The following WNT8B variants were observed in gnomAD, a reference collection of about 807,000 sequenced individuals.
WNT8B encodes protein Wnt-8b.
Under a neutral mutation model 36.6 loss-of-function variants are expected in WNT8B, and 24 were observed. That is an observed-to-expected ratio of 0.66 (90% CI 0.48 to 0.92). The LOEUF (loss-of-function observed/expected upper bound fraction) is 0.92. WNT8B is among the 40% of genes least tolerant of loss of function. The pLI is 0.00. For missense variants in WNT8B, 402 were observed against 470.8 expected, an observed-to-expected ratio of 0.85 and a Z score of 1.35; for synonymous variants, 199 against 189.8, an observed-to-expected ratio of 1.05 and a Z score of -0.40.
At chr10:100,467,017 CA>C (rs1386862883) in intron 1 of WNT8B, among the ~76,000 whole-genome samples, 9 of 151,660 alleles carry the variant, frequency 5.9e-5, no homozygotes, top group African/African-American at 2.2e-4. Context: ...GCTAGGTTAA[CA>C]GCTGAGGGAA....
chr10:100,463,745 C>T (rs1850882723), intron 1 of WNT8B, among the ~76,000 whole-genome samples: 1 of 151,988 alleles, frequency 6.6e-6, no homozygotes, highest in Non-Finnish European at 1.5e-5. Flanking sequence ...ACTAAGCAGG[C>T]ATTGGGTTAA....
At position 100,479,896 on chromosome 10, in the gene WNT8B, G is replaced by A. The variant is rs752847845; in HGVS notation, c.125G>A (p.Ser42Asn). 29 of 1,613,940 alleles carry A rather than the reference G, an allele frequency of 1.8e-5. No individual in the cohort carries two copies. In the South Asian group the frequency reaches 3.2e-4, roughly 18 times the overall value. The change falls in exon 3 of 6, where the codon AGT becomes AAT. Residue 42 changes from serine to asparagine, a missense_variant. Physicochemically the swap from Ser to Asn is conservative, Grantham distance 46. This residue lies in a region of WNT8B where 131 missense variants were observed against 152.6 expected (regional missense o/e 0.86). Transcript: ENST00000343737. ...CAGGCTTACCTGATTTACTCCAGCA[G>A]TGTGGCAGCTGGTGCCCAGAGTGGT... is the stretch of plus-strand genomic sequence containing the variant. ...GPKAYLIYSS[S>N]VAAGAQSGIE...
chr10:100,483,106 C>T lies in WNT8B; in HGVS notation c.*290C>T, dbSNP rs1181949718. 4 of 375,470 alleles carry T rather than the reference C, an allele frequency of 1.1e-5. No individual in the cohort carries two copies. Among genetic ancestry groups the T allele is most frequent in the Non-Finnish European group, 1.9e-5 (4 of 211,100 alleles). The allele number at this position is 375,470 out of a possible 1,614,324, so 23.3% of individuals were successfully genotyped here. A position where few individuals can be genotyped will look rare whatever the true frequency, so the allele number is the denominator to read the frequency against. ...AGAACAGGTGTTCCTCCTCCCCTCTCCTAGCAGCCCTAATGTCTGACCTAG... is the reference window on the plus strand; with the variant it reads ...AGAACAGGTGTTCCTCCTCCCCTCTTCTAGCAGCCCTAATGTCTGACCTAG... On this transcript the variant is annotated 3_prime_UTR_variant, in exon 6 of 6. Transcript: ENST00000343737.
chr10:100,479,117 T>C, intron 2 of WNT8B, 32 bp downstream of exon 2: 1 of 1,574,894 alleles, frequency 6.3e-7, no homozygotes, highest in Non-Finnish European at 8.6e-7. Flanking sequence ...TGATATGGAT[T>C]TCACTAATCT....
chr10:100,469,281 A>AGC (rs1850947503), intron 1 of WNT8B, among the ~76,000 whole-genome samples: 1 of 152,142 alleles, frequency 6.6e-6, no homozygotes, highest in Non-Finnish European at 1.5e-5. Flanking sequence ...CTTTCATGTC[A>AGC]TAACTCCTCA....
chr10:100,482,375 C>T lies in WNT8B; in HGVS notation c.615C>T (p.Gly205=), dbSNP rs1179622761. Residue 205 remains glycine (G), a synonymous_variant, in exon 6 of 6, where the codon GGC becomes GGT. Transcript: ENST00000343737. The surrounding 1 kb of genome is among the most constrained non-coding windows in gnomAD (Gnocchi z 6.6). ...AGCTGCCCGAGTTCCGCGAGGTGGG[C>T]GCGCACCTGAAGGAGAAGTACCACG... ...WLQLPEFREV[G]AHLKEKYHAA... is the part of the protein sequence containing the mutation. The T allele has an allele frequency of 1.9e-6, 3 of 1,606,242 alleles. No homozygotes were observed. Among genetic ancestry groups the T allele is most frequent in the African/African-American group, 1.3e-5 (1 of 75,060 alleles).
At chr10:100,463,279 T>C in intron 1 of WNT8B, 43 bp downstream of exon 1, 1 of 1,564,842 alleles carries the variant, frequency 6.4e-7, no homozygotes, top group Non-Finnish European at 8.8e-7. Flanking sequence ...AATAGGTAAG[T>C]GTATGTAATG....
chr10:100,479,932 G>C lies in WNT8B; in HGVS notation c.161G>C (p.Cys54Ser). The C allele has an allele frequency of 6.2e-7, 1 of 1,614,014 alleles. No homozygotes were observed. Among genetic ancestry groups the C allele is most frequent in the Non-Finnish European group, 8.5e-7 (1 of 1,179,930 alleles). ...GGTGCCCAGAGTGGTATTGAAGAAT[G>C]CAAGTATCAGTTTGCCTGGGACCGC... Reference protein sequence around the residue: ...AAGAQSGIEECKYQFAWDRWN... With the variant: ...AAGAQSGIEESKYQFAWDRWN... The change falls in exon 3 of 6, where the codon TGC (cysteine) becomes TCC (serine). Residue 54 changes from cysteine to serine, a missense_variant. Cys to Ser is a moderately radical substitution (Grantham distance 112). This residue lies in a region of WNT8B where 131 missense variants were observed against 152.6 expected (regional missense o/e 0.86). Transcript: ENST00000343737.
In WNT8B at chr10:100,479,899, T is replaced by C. The variant is rs145002739; in HGVS notation, c.128T>C (p.Val43Ala). ...PKAYLIYSSS[V>A]AAGAQSGIEE... ...GCTTACCTGATTTACTCCAGCAGTG[T>C]GGCAGCTGGTGCCCAGAGTGGTATT... The change falls in exon 3 of 6, where the codon GTG becomes GCG. Residue 43 changes from valine (V) to alanine (A), a missense_variant. Val to Ala is a moderately conservative substitution (Grantham distance 64). This residue lies in a region of WNT8B where 131 missense variants were observed against 152.6 expected (regional missense o/e 0.86). Coordinates refer to ENST00000343737, the MANE Select transcript of WNT8B (RefSeq NM_003393.4). 1.2e-5 allele frequency: 20 copies of C among 1,613,938 alleles called. No homozygotes were observed. The highest frequency in any genetic ancestry group is 1.6e-4 in the Middle Eastern group (1 of 6,084).
Position 100,483,465 on chromosome 10 carries a change from A to G in WNT8B, c.*649A>G, listed in dbSNP as rs2133660781. On this transcript the variant is annotated 3_prime_UTR_variant, in exon 6 of 6. Coordinates refer to ENST00000343737, the MANE Select transcript of WNT8B (RefSeq NM_003393.4). ...AACACCAAGGGTGCTACTCATCCCT[A>G]TGGTATCATATCATGAATGGACTTT... 1 of 152,276 alleles carries G rather than the reference A, an allele frequency of 6.6e-6. No individual in the cohort carries two copies. Among genetic ancestry groups the G allele is most frequent in the Non-Finnish European group, 1.5e-5 (1 of 68,016 alleles). The allele number at this position is 152,276 out of a possible 1,614,324, so 9.4% of individuals were successfully genotyped here.
chr10:100,478,415 C>T (rs1851066530), intron 1 of WNT8B, among the ~76,000 whole-genome samples: 1 of 152,110 alleles, frequency 6.6e-6, no homozygotes, highest in South Asian at 2.1e-4. Flanking sequence ...GCATAAGGAA[C>T]ATAGTCAGGA....
intron 1 of WNT8B, among the ~76,000 whole-genome samples, chr10:100,471,976 C>G (rs1027782590): frequency 1.5e-4 from 23 of 152,102 alleles, no homozygotes; most frequent in African/African-American, 4.3e-4. Context: ...GGGCAGATCA[C>G]TTGAGGTCAG....
chr10:100,474,210 G>A (rs749062475), intron 1 of WNT8B, among the ~76,000 whole-genome samples: 1 of 152,210 alleles, frequency 6.6e-6, no homozygotes, highest in Non-Finnish European at 1.5e-5. Flanking sequence ...CTGAATCTGG[G>A]TAATATTGTC....
At chr10:100,469,109 AATAG>A (rs202085779) in intron 1 of WNT8B, among the ~76,000 whole-genome samples, 2,289 of 152,316 alleles carry the variant, frequency 0.015, 62 homozygotes, top group African/African-American at 0.051. Flanking sequence ...AATTTGGTGA[AATAG>A]TTATGGGAAT....
chr10:100,480,830 C>G (rs940786429), intron 3 of WNT8B, among the ~76,000 whole-genome samples, 168 bp from the exon 4 acceptor site: 2 of 151,758 alleles, frequency 1.3e-5, no homozygotes, highest in African/African-American at 4.8e-5. Context: ...ATAGTGAGAC[C>G]GACTCTCTGC....
At chr10:100,480,763 CT>C (rs1851099508) in intron 3 of WNT8B, among the ~76,000 whole-genome samples, 1 of 152,116 alleles carries the variant, frequency 6.6e-6, no homozygotes, top group Non-Finnish European at 1.5e-5. Flanking sequence ...ATCCCAAGCT[CT>C]TTGGGAGGAC....
At chr10:100,478,128 G>A (rs1028519609) in intron 1 of WNT8B, among the ~76,000 whole-genome samples, 3 of 151,996 alleles carry the variant, frequency 2.0e-5, no homozygotes, top group African/African-American at 4.8e-5. Context: ...TTTCCAAATC[G>A]CATTACTTAT....
At chr10:100,469,894 C>T (rs574083329) in intron 1 of WNT8B, among the ~76,000 whole-genome samples, 22 of 152,346 alleles carry the variant, frequency 1.4e-4, no homozygotes, top group African/African-American at 4.6e-4. Context: ...AGAACTCATT[C>T]TATGAGAAAG....
chr10:100,478,909 T>C (rs1272629680), intron 1 of WNT8B, 143 bp from the exon 2 acceptor site: 2 of 696,116 alleles, frequency 2.9e-6, no homozygotes, highest in Non-Finnish European at 4.6e-6. Context: ...AGGTTTGTTA[T>C]GCACAGTGTT....
Sources: allele counts gnomAD v4.1 joint callset (sites outside exome capture counted in the v4.1 genomes callset), GRCh38; gene constraint gnomAD v4.1.1; regional missense constraint gnomAD v4.1.1; non-coding constraint Gnocchi (gnomAD v3.1); transcripts MANE v1.5; gene names NCBI Gene and HGNC (gene_info 2026-07-23, HGNC 2026-07-21).